Variants in CLDN10 observed in about 807,000 individuals in gnomAD.
The protein encoded by CLDN10 is claudin 10, also known as claudin-10.
In CLDN10, 15 loss-of-function variants were observed where a neutral mutation model predicts 22.9. That is an observed-to-expected ratio of 0.65 (90% confidence interval 0.44 to 1.01). The LOEUF (loss-of-function observed/expected upper bound fraction) is 1.01, where lower values mean the gene tolerates loss of function less well. Among genes scored for constraint, CLDN10 ranks in the 50% least tolerant of loss-of-function variants. CLDN10 has a pLI of 0.00. For synonymous variants in CLDN10, 114 were observed against 111.4 expected (o/e 1.02, Z -0.15); for missense variants, 247 against 287.8 (o/e 0.86, Z 1.03).
At chr13:95,471,438 C>T (rs1337759284) in intron 1 of CLDN10, among the ~76,000 whole-genome samples, 9 of 98,384 alleles carry the variant, frequency 9.1e-5, no homozygotes, top group East Asian at 1.1e-3. Context: ...CACACACACA[C>T]ACATATATAT....
At chr13:95,516,359 C>G (rs146689058) in intron 1 of CLDN10, among the ~76,000 whole-genome samples, 1,529 of 152,124 alleles carry the variant, frequency 0.01, 24 homozygotes, top group African/African-American at 0.034. Flanking sequence ...AATTTTGAAG[C>G]TCATAGCTTG....
rs537635169 is a variant in CLDN10 at position 95,570,829 on chromosome 13, T to TACAC, written c.465-6386_465-6383dup. ...CATAATTTAAAAATGTATATATATA[T>TACAC]ACACACACACACACACACATATACG... On this transcript the variant is annotated intron_variant, in intron 3 of 4. Transcript: ENST00000299339. Among the ~76,000 whole-genome samples, 107 of 129,440 alleles carry TACAC rather than the reference T, an allele frequency of 8.3e-4. 1 individual carries two copies. Among genetic ancestry groups the TACAC allele is most frequent in the African/African-American group, 2.5e-3 (89 of 35,166 alleles). 84.9% of individuals were successfully genotyped at this position (129,440 alleles called of 152,430 possible). A position where few individuals can be genotyped will look rare whatever the true frequency, so the allele number is the denominator to read the frequency against.
intron 1 of CLDN10, among the ~76,000 whole-genome samples, chr13:95,439,461 G>A (rs1240716972): frequency 6.6e-6 from 1 of 151,670 alleles, no homozygotes; most frequent in Non-Finnish European, 1.5e-5. Context: ...TGCCTCCCAA[G>A]TAGCGGGGAC....
chr13:95,534,381 T>C (rs1190224454), intron 1 of CLDN10, among the ~76,000 whole-genome samples: 1 of 152,198 alleles, frequency 6.6e-6, no homozygotes. Context: ...GGAAAAATAT[T>C]TGTAGAATTA....
intron 1 of CLDN10, among the ~76,000 whole-genome samples, chr13:95,473,021 TC>T (rs1209435023): frequency 6.6e-6 from 1 of 151,734 alleles, no homozygotes. Flanking sequence ...GCACCTGTGG[TC>T]CCAGCTACTC....
intron 1 of CLDN10, among the ~76,000 whole-genome samples, chr13:95,513,082 G>T (rs1403456134): frequency 2.6e-5 from 4 of 152,012 alleles, no homozygotes; most frequent in Admixed American, 2.0e-4. Flanking sequence ...TTACTATATT[G>T]CTGCCCAGGT....
intron 1 of CLDN10, among the ~76,000 whole-genome samples, chr13:95,442,439 T>G (rs1345741963): frequency 6.6e-6 from 1 of 152,210 alleles, no homozygotes; most frequent in Non-Finnish European, 1.5e-5. Context: ...GTGCTCATGA[T>G]GTGAAGGATA....
intron 1 of CLDN10, among the ~76,000 whole-genome samples, chr13:95,504,834 G>A (rs1393593899): frequency 6.6e-6 from 1 of 152,098 alleles, no homozygotes; most frequent in Non-Finnish European, 1.5e-5. Context: ...CATCACACTG[G>A]CCAGCTTTGC....
chr13:95,455,977 C>G (rs975291783), intron 1 of CLDN10, among the ~76,000 whole-genome samples: 3 of 152,224 alleles, frequency 2.0e-5, no homozygotes, highest in African/African-American at 7.2e-5. Context: ...AATTATGAAA[C>G]AGCATGTTGT....
chr13:95,554,125 C>A (rs2043603897), intron 1 of CLDN10, among the ~76,000 whole-genome samples: 1 of 152,078 alleles, frequency 6.6e-6, no homozygotes, highest in African/African-American at 2.4e-5. Flanking sequence ...ATAAGGAATA[C>A]GCATCTAGTT....
intron 3 of CLDN10, among the ~76,000 whole-genome samples, chr13:95,564,036 G>T: frequency 6.6e-6 from 1 of 152,198 alleles, no homozygotes; most frequent in Non-Finnish European, 1.5e-5. Context: ...GGTTTTGTTT[G>T]TACATGAACT....
At chr13:95,477,324 C>A (rs1594546428) in intron 1 of CLDN10, among the ~76,000 whole-genome samples, 1 of 152,102 alleles carries the variant, frequency 6.6e-6, no homozygotes, top group Non-Finnish European at 1.5e-5. Context: ...GGCTCTGGGG[C>A]ATACAGGCTG....
chr13:95,502,798 G>C (rs1251657512), intron 1 of CLDN10, among the ~76,000 whole-genome samples: 1 of 152,214 alleles, frequency 6.6e-6, no homozygotes, highest in Non-Finnish European at 1.5e-5. Flanking sequence ...TGGGACTACA[G>C]GCATGAGCCA....
exon 1 of CLDN10, chr13:95,433,970 G>T: frequency 6.2e-7 from 1 of 1,614,232 alleles, no homozygotes; most frequent in Non-Finnish European, 8.5e-7. Context: ...GTTTACCAGG[G>T]TCTGTGGATG....
chr13:95,509,185 GAT>G (rs1378529678), intron 1 of CLDN10, among the ~76,000 whole-genome samples: 1 of 152,192 alleles, frequency 6.6e-6, no homozygotes. Context: ...AGATGAAAGA[GAT>G]AGAGAAACTA....
chr13:95,489,351 G>T (rs377336790), intron 1 of CLDN10, among the ~76,000 whole-genome samples: 1 of 151,816 alleles, frequency 6.6e-6, no homozygotes, highest in Non-Finnish European at 1.5e-5. Flanking sequence ...AATGCAGAAG[G>T]GTTCCCTGTT....
At chr13:95,494,129 G>T (rs555179406) in intron 1 of CLDN10, among the ~76,000 whole-genome samples, 2 of 152,248 alleles carry the variant, frequency 1.3e-5, no homozygotes, top group South Asian at 4.2e-4. Flanking sequence ...TACCCTTCCA[G>T]TGTTCAAATT....
At chr13:95,525,864 C>T (rs915016620) in intron 1 of CLDN10, among the ~76,000 whole-genome samples, 3 of 152,100 alleles carry the variant, frequency 2.0e-5, no homozygotes, top group African/African-American at 7.2e-5. Context: ...TTAAAATTGA[C>T]TAAACAACTT....
At chr13:95,517,200 C>T (rs1418282223) in intron 1 of CLDN10, among the ~76,000 whole-genome samples, 3 of 150,608 alleles carry the variant, frequency 2.0e-5, no homozygotes, top group African/African-American at 2.4e-5. Flanking sequence ...TTTCTCTTTC[C>T]TAACTTCCTT....
Sources: allele counts gnomAD v4.1 joint callset (sites outside exome capture counted in the v4.1 genomes callset), GRCh38; gene constraint gnomAD v4.1.1; transcripts MANE v1.5; gene names NCBI Gene and HGNC (gene_info 2026-07-23, HGNC 2026-07-21).